Variants in SOX6 observed in about 807,000 individuals in gnomAD.
SOX6 encodes the protein transcription factor SOX-6.
SOX6 carries 11 observed loss-of-function variants against 97.8 expected under a neutral mutation model. The ratio of observed to expected loss-of-function variants is 0.11; its 90% CI spans 0.07 to 0.19. SOX6 has a LOEUF of 0.19. SOX6 is among the 10% of genes least tolerant of loss of function. The pLI is 1.00. For missense variants in SOX6, 810 were observed against 1,039.5 expected (o/e 0.78, Z 3.04); for synonymous variants, 360 against 371.4 (o/e 0.97, Z 0.35).
chr11:16,412,443 T>A (rs897520239), intron 1 of SOX6, among the ~76,000 whole-genome samples: 1 of 152,162 alleles, frequency 6.6e-6, no homozygotes, highest in Non-Finnish European at 1.5e-5. Flanking sequence ...GGGTAAGTGA[T>A]AAAAAACCAA....
At chr11:16,298,713 AT>A (rs952721128) in intron 3 of SOX6, among the ~76,000 whole-genome samples, 2 of 151,174 alleles carry the variant, frequency 1.3e-5, no homozygotes, top group Admixed American at 6.6e-5. Context: ...AGTTTTACTT[AT>A]TTTTTTTTAG....
intron 3 of SOX6, among the ~76,000 whole-genome samples, chr11:16,632,822 G>A (rs1193477217): frequency 6.6e-6 from 1 of 152,234 alleles, no homozygotes; most frequent in East Asian, 1.9e-4. Context: ...GGGACCCCCT[G>A]CACCAAGATT....
chr11:16,083,290 T>C (rs907919953), intron 9 of SOX6, among the ~76,000 whole-genome samples: 5 of 152,084 alleles, frequency 3.3e-5, no homozygotes, highest in African/African-American at 4.8e-5. Context: ...TACTACAGAG[T>C]AGGCACTTAA....
chr11:16,255,473 T>C (rs1355664933), intron 3 of SOX6, among the ~76,000 whole-genome samples: 2 of 152,014 alleles, frequency 1.3e-5, no homozygotes, highest in Non-Finnish European at 2.9e-5. Flanking sequence ...CCAAAATACA[T>C]GAAGATTAAA....
chr11:16,291,229 T>TTATATATATATA (rs10529279), intron 3 of SOX6, among the ~76,000 whole-genome samples: 3 of 143,592 alleles, frequency 2.1e-5, no homozygotes, highest in African/African-American at 8.0e-5. Context: ...TTCTATAAAT[T>TTATATATATATA]TATATATATA....
intron 3 of SOX6, chr11:16,612,406 C>CTATGGTG (rs1565193068): frequency 3.3e-5 from 5 of 152,282 alleles, no homozygotes; most frequent in African/African-American, 1.2e-4. Flanking sequence ...TAATTACCAC[C>CTATGGTG]ATAGAATTAA....
chr11:16,032,368 G>GT (rs1381680190), intron 12 of SOX6, among the ~76,000 whole-genome samples: 4 of 152,104 alleles, frequency 2.6e-5, no homozygotes, highest in African/African-American at 9.7e-5. Flanking sequence ...CAGGATTTCT[G>GT]TGAACATCAA....
intron 4 of SOX6, among the ~76,000 whole-genome samples, chr11:16,579,289 G>T (rs1008102773): frequency 2.8e-4 from 42 of 151,006 alleles, no homozygotes; most frequent in African/African-American, 9.2e-4. Flanking sequence ...TTAATATATA[G>T]AATATAAAAA....
At chr11:16,625,945 G>T (rs943695299) in intron 3 of SOX6, among the ~76,000 whole-genome samples, 3 of 152,162 alleles carry the variant, frequency 2.0e-5, no homozygotes, top group Non-Finnish European at 4.4e-5. Context: ...ACCAAAGGAT[G>T]GGGTTGTGGG....
chr11:16,047,891 AC>A (rs1161912820), intron 11 of SOX6, among the ~76,000 whole-genome samples: 1 of 151,934 alleles, frequency 6.6e-6, no homozygotes, highest in Admixed American at 6.6e-5. Flanking sequence ...TAAGTTAGTC[AC>A]TTTTTGGTCC....
intron 1 of SOX6, among the ~76,000 whole-genome samples, chr11:16,423,687 A>C (rs191905266): frequency 1.3e-5 from 2 of 152,302 alleles, no homozygotes; most frequent in Admixed American, 1.3e-4. Context: ...ATTTGAAGTG[A>C]CAATGAGACA....
At chr11:16,017,508 C>T (rs1346615107) in intron 12 of SOX6, among the ~76,000 whole-genome samples, 1 of 152,038 alleles carries the variant, frequency 6.6e-6, no homozygotes, top group East Asian at 1.9e-4. Flanking sequence ...CCTAGTCTCC[C>T]AGAAGATTTC....
intron 10 of SOX6, among the ~76,000 whole-genome samples, chr11:16,052,284 C>T (rs16932499): frequency 0.069 from 10,479 of 152,166 alleles, 407 homozygotes; most frequent in Non-Finnish European, 0.096. Context: ...GGCCTGACAA[C>T]TTTGTGCTAA....
At chr11:16,332,914 C>T (rs1397391219) in intron 2 of SOX6, among the ~76,000 whole-genome samples, 1 of 152,128 alleles carries the variant, frequency 6.6e-6, no homozygotes, top group Non-Finnish European at 1.5e-5. Context: ...AGAGGACAAT[C>T]AAACAGTGGA....
chr11:16,086,261 A>G (rs1473636112), intron 9 of SOX6, among the ~76,000 whole-genome samples: 1 of 152,224 alleles, frequency 6.6e-6, no homozygotes, highest in Non-Finnish European at 1.5e-5. Context: ...CTCTATAATT[A>G]GTCTTGTCTC....
chr11:16,314,102 A>C (rs1855691591), intron 3 of SOX6: 1 of 152,194 alleles, frequency 6.6e-6, no homozygotes, highest in African/African-American at 2.4e-5. Context: ...GCTAAAAAAC[A>C]GTCAGTGGTT....
intron 1 of SOX6, among the ~76,000 whole-genome samples, chr11:16,431,987 C>G (rs1859280066): frequency 6.6e-6 from 1 of 152,008 alleles, no homozygotes; most frequent in Non-Finnish European, 1.5e-5. Flanking sequence ...TATTTAGAAA[C>G]AAAGATATGG....
At chr11:16,219,973 A>G (rs1852491183) in intron 4 of SOX6, among the ~76,000 whole-genome samples, 1 of 152,082 alleles carries the variant, frequency 6.6e-6, no homozygotes, top group African/African-American at 2.4e-5. Context: ...ATATTATCAC[A>G]AATGTCCATT....
intron 3 of SOX6, among the ~76,000 whole-genome samples, chr11:16,275,285 C>CAAAAAAAAAA (rs869208945): frequency 2.8e-4 from 35 of 122,912 alleles, no homozygotes; most frequent in Middle Eastern, 4.5e-3. Flanking sequence ...ACCAAAAATA[C>CAAAAAAAAAA]AAAAAAAAAA....
Sources: allele counts gnomAD v4.1 joint callset (sites outside exome capture counted in the v4.1 genomes callset), GRCh38; gene constraint gnomAD v4.1.1; transcripts MANE v1.5; gene names NCBI Gene and HGNC (gene_info 2026-07-23, HGNC 2026-07-21).